SFXN5: variants seen among roughly 807,000 people sequenced by gnomAD.
SFXN5 encodes sideroflexin-5.
SFXN5 carries 43 observed loss-of-function variants against 50.2 expected under a neutral mutation model. That is an observed-to-expected ratio of 0.86 (90% confidence interval 0.67 to 1.11). The LOEUF is 1.11. SFXN5 is among the 50% of genes least tolerant of loss of function. The pLI is 0.00. For missense variants in SFXN5, 463 were observed against 454.1 expected (o/e 1.02, Z -0.18); for synonymous variants, 203 against 185.8 (o/e 1.09, Z -0.75).
intron 1 of SFXN5, among the ~76,000 whole-genome samples, chr2:73,064,057 G>A (rs185226636): frequency 6.6e-6 from 1 of 152,232 alleles, no homozygotes; most frequent in Admixed American, 6.5e-5. Context: ...CTCAGCAGGA[G>A]CCAGGGCCTA....
At chr2:72,972,632 C>A (rs542435218) in intron 10 of SFXN5, among the ~76,000 whole-genome samples, 48 of 152,138 alleles carry the variant, frequency 3.2e-4, no homozygotes, top group Non-Finnish European at 6.6e-4. Flanking sequence ...GGGTGTTGAC[C>A]CCGCCTGAAC....
Position 72,945,248 on chromosome 2 carries a change from A to G in SFXN5, c.946-149T>C. The stretch of plus-strand genomic sequence containing the variant: ...CAGCCAGGGCTCACATGCCCTACCT[A>G]GTGACACATCTTCCTTCTCCACCGC... On this transcript the variant is annotated intron_variant, in intron 13 of 13. Coordinates refer to ENST00000272433, the MANE Select transcript of SFXN5 (RefSeq NM_144579.3). This position sits in a 1 kb window ranked among gnomAD's most constrained non-coding sequence, Gnocchi z 5.8. 1.4e-6 allele frequency: 1 copy of G among 698,300 alleles called. No homozygotes were observed. The highest frequency in any genetic ancestry group is 1.8e-5 in the South Asian group (1 of 57,110). 43.3% of individuals were successfully genotyped at this position (698,300 alleles called of 1,614,324 possible). A position where few individuals can be genotyped will look rare whatever the true frequency, so the allele number is the denominator to read the frequency against.
At chr2:73,045,475 C>T (rs1341152915) in intron 2 of SFXN5, among the ~76,000 whole-genome samples, 2 of 152,002 alleles carry the variant, frequency 1.3e-5, no homozygotes, top group African/African-American at 4.8e-5. Flanking sequence ...GAAACATGGG[C>T]CATTTCAGGC....
intron 9 of SFXN5, among the ~76,000 whole-genome samples, chr2:72,990,327 G>A (rs1020727353): frequency 6.6e-6 from 1 of 152,222 alleles, no homozygotes; most frequent in African/African-American, 2.4e-5. Context: ...ACACACTTCA[G>A]TGGTACAGTG....
chr2:73,035,176 G>A (rs1022291527), intron 3 of SFXN5, among the ~76,000 whole-genome samples: 2 of 152,128 alleles, frequency 1.3e-5, no homozygotes, highest in African/African-American at 4.8e-5. Context: ...CTGCCACTTC[G>A]TAAGCATGCA....
intron 11 of SFXN5, among the ~76,000 whole-genome samples, chr2:72,968,790 C>T (rs986024313): frequency 3.4e-5 from 5 of 148,004 alleles, no homozygotes; most frequent in Non-Finnish European, 6.0e-5. Flanking sequence ...TCTTTCTTTC[C>T]TCTCTCTCTC....
chr2:73,055,241 C>T (rs768783048), intron 2 of SFXN5, among the ~76,000 whole-genome samples: 2 of 152,234 alleles, frequency 1.3e-5, no homozygotes, highest in South Asian at 2.1e-4. Flanking sequence ...TAATCTCGGG[C>T]AAGTTCCCTA....
At chr2:73,021,039 G>A (rs908329992) in intron 5 of SFXN5, among the ~76,000 whole-genome samples, 3 of 152,182 alleles carry the variant, frequency 2.0e-5, no homozygotes, top group South Asian at 2.1e-4. Flanking sequence ...ACACACACAC[G>A]TGAGCCATGG....
intron 9 of SFXN5, chr2:72,998,534 C>A (rs115792344): frequency 0.013 from 2,390 of 182,898 alleles, 22 homozygotes; most frequent in Non-Finnish European, 0.019. Context: ...AAAGCAGTGC[C>A]CCGGCAGCTG....
At chr2:72,980,971 A>T (rs1262850334) in intron 10 of SFXN5, 1 of 152,040 alleles carries the variant, frequency 6.6e-6, no homozygotes, top group Non-Finnish European at 1.5e-5. Flanking sequence ...CCAGAACTGG[A>T]AGGCCATTTA....
chr2:72,943,450 G>T lies in SFXN5; in HGVS notation c.*1572C>A, dbSNP rs1363631113. The T allele has an allele frequency of 2.0e-5, 3 of 152,790 alleles. No homozygotes were observed. The highest frequency in any genetic ancestry group is 7.2e-5 in the African/African-American group (3 of 41,458). 9.5% of individuals were successfully genotyped at this position (152,790 alleles called of 1,614,324 possible). A position where few individuals can be genotyped will look rare whatever the true frequency, so the allele number is the denominator to read the frequency against. On this transcript the variant is annotated 3_prime_UTR_variant, in exon 14 of 14. Coordinates refer to ENST00000272433, the MANE Select transcript of SFXN5 (RefSeq NM_144579.3). Reference sequence around the variant, plus strand: ...GCACTGAGGCTGGTGCTTCCCCCTGGTTTGGGCCTTTCAGATGAGGGGTCA... The same window carrying T: ...GCACTGAGGCTGGTGCTTCCCCCTGTTTTGGGCCTTTCAGATGAGGGGTCA...
intron 6 of SFXN5, among the ~76,000 whole-genome samples, chr2:73,008,265 A>C (rs1240396510): frequency 6.6e-6 from 1 of 152,212 alleles, no homozygotes; most frequent in Non-Finnish European, 1.5e-5. Flanking sequence ...AGACCCAATA[A>C]CTAGGTGTTC....
At chr2:73,037,202 A>G (rs1206493999) in intron 3 of SFXN5, among the ~76,000 whole-genome samples, 1 of 152,108 alleles carries the variant, frequency 6.6e-6, no homozygotes, top group Non-Finnish European at 1.5e-5. Flanking sequence ...CAGCCCTCAT[A>G]TCTCAGGGGA....
At position 72,945,134 on chromosome 2, in the gene SFXN5, G is replaced by A. The variant is rs1363521042; in HGVS notation, c.946-35C>T. Reference sequence around the variant, plus strand: ...GAGAACAGAGAGGAAAAGTGGGGGAGTGGGAAGGGGCAAATAGTGGGGCTG... The same window carrying A: ...GAGAACAGAGAGGAAAAGTGGGGGAATGGGAAGGGGCAAATAGTGGGGCTG... On this transcript the variant is annotated intron_variant, in intron 13 of 13. Transcript: ENST00000272433. The surrounding 1 kb of genome is among the most constrained non-coding windows in gnomAD (Gnocchi z 5.8). 7 of 1,591,926 alleles carry A rather than the reference G, an allele frequency of 4.4e-6. No homozygotes were observed. Among genetic ancestry groups the A allele is most frequent in the Non-Finnish European group, 6.0e-6 (7 of 1,161,914 alleles).
Position 72,953,286 on chromosome 2 carries a change from C to A in SFXN5, c.945+7845G>T, listed in dbSNP as rs111481008. On this transcript the variant is annotated intron_variant, in intron 13 of 13. Transcript: ENST00000272433. This position sits in a 1 kb window ranked among gnomAD's most constrained non-coding sequence, Gnocchi z 4.1. ...AGCAGATTTCTGACGGCAAAAATAG[C>A]CCACTTTAGAGTTCAGTAGGGACTG... Among the ~76,000 whole-genome samples, 617 of 152,178 alleles carry A rather than the reference C, an allele frequency of 4.1e-3. 2 individuals carry two copies. The highest frequency in any genetic ancestry group is 6.8e-3 in the Non-Finnish European group (463 of 68,016).
In SFXN5 at chr2:72,945,162, A is replaced by G; in HGVS notation, c.946-63T>C. On this transcript the variant is annotated intron_variant, in intron 13 of 13. Coordinates refer to ENST00000272433, the MANE Select transcript of SFXN5 (RefSeq NM_144579.3). The surrounding 1 kb of genome is among the most constrained non-coding windows in gnomAD (Gnocchi z 5.8). ...GGAAGGGGCAAATAGTGGGGCTGGG[A>G]GCTGCAGTGAGGACCACCCTGGGCC... 2 of 1,491,162 alleles carry G rather than the reference A, an allele frequency of 1.3e-6. No homozygotes were observed. Among genetic ancestry groups the G allele is most frequent in the Non-Finnish European group, 1.9e-6 (2 of 1,078,756 alleles). The allele number at this position is 1,491,162 out of a possible 1,614,324, so 92.4% of individuals were successfully genotyped here.
chr2:72,958,635 A>G (rs987848541), intron 13 of SFXN5, among the ~76,000 whole-genome samples: 2 of 152,140 alleles, frequency 1.3e-5, no homozygotes, highest in African/African-American at 4.8e-5. Flanking sequence ...CTGATTGCAC[A>G]GACAGATGCA....
intron 2 of SFXN5, among the ~76,000 whole-genome samples, chr2:73,043,644 G>A (rs1679931746): frequency 1.3e-5 from 2 of 152,164 alleles, no homozygotes; most frequent in South Asian, 4.1e-4. Flanking sequence ...AGATTCCAAA[G>A]AGCCCCTTCC....
chr2:72,942,599 G>T lies in SFXN5; in HGVS notation c.*2423C>A, dbSNP rs545992042. The stretch of plus-strand genomic sequence containing the variant: ...CTCAGCAGAGTGGGGCATGGGTGCT[G>T]GGTGAAGGTTTCCCCTCACAGGTCT... On this transcript the variant is annotated 3_prime_UTR_variant, in exon 14 of 14. Transcript: ENST00000272433. The T allele has an allele frequency of 6.6e-6, 1 of 152,478 alleles. No individual in the cohort carries two copies. The highest frequency in any genetic ancestry group is 2.4e-5 in the African/African-American group (1 of 41,576). The allele number at this position is 152,478 out of a possible 1,614,324, so 9.4% of individuals were successfully genotyped here. A position where few individuals can be genotyped will look rare whatever the true frequency, so the allele number is the denominator to read the frequency against.
Sources: gnomAD v4.1 joint callset for allele counts (sites outside exome capture counted in the v4.1 genomes callset) on GRCh38, gnomAD v4.1.1 for gene constraint, Gnocchi (gnomAD v3.1) non-coding constraint, MANE v1.5 for transcripts, NCBI Gene and HGNC (gene_info 2026-07-23, HGNC 2026-07-21) for gene names.